Variants in POLA2 observed in about 807,000 individuals in gnomAD.
The protein encoded by POLA2 is DNA polymerase alpha subunit B.
Under a neutral mutation model 82.8 loss-of-function variants are expected in POLA2, and 47 were observed. That is an observed-to-expected ratio of 0.57 (90% CI 0.45 to 0.72). POLA2 has a LOEUF of 0.72. Among genes scored for constraint, POLA2 ranks in the 30% least tolerant of loss-of-function variants. The probability of loss-of-function intolerance (pLI) is 0.00; values close to 1 mark genes in which losing one functional copy is unlikely to be tolerated. For synonymous variants in POLA2, 287 were observed against 286.8 expected (o/e 1.00, Z -0.01); for missense variants, 634 against 728.1 (o/e 0.87, Z 1.49).
At chr11:65,264,494 CCTGGTCTCTTTACT>C (rs1214949153) in intron 1 of POLA2, among the ~76,000 whole-genome samples, 1 of 152,192 alleles carries the variant, frequency 6.6e-6, no homozygotes, top group African/African-American at 2.4e-5. Context: ...GCGCCAGGCC[CCTGGTCTCTTTACT>C]CTGAGTCTTC....
chr11:65,287,656 C>T, intron 10 of POLA2, 60 bp from the exon 11 acceptor site: 1 of 1,468,464 alleles, frequency 6.8e-7, no homozygotes, highest in Non-Finnish European at 9.4e-7. Context: ...ATTGTCCTTT[C>T]TCCTCCCACC....
Position 65,287,848 on chromosome 11 carries a change from G to T in POLA2, c.1131+8G>T. 6.2e-7 allele frequency: 1 copy of T among 1,611,816 alleles called. No individual in the cohort carries two copies. ...CCAGATGTCTGCATCCTGGTAAGAG[G>T]CACCAGTGGGAAAGCTGAGGAGTCA... On this transcript the variant is annotated splice_region_variant and intron_variant, in intron 11 of 17. Transcript: ENST00000265465.
At chr11:65,273,335 C>A (rs139650463) in intron 4 of POLA2, among the ~76,000 whole-genome samples, 25 of 152,134 alleles carry the variant, frequency 1.6e-4, no homozygotes, top group South Asian at 4.1e-4. Flanking sequence ...ACAACAACAA[C>A]AAAAAAACAT....
At chr11:65,302,106 C>G (rs1346404386), downstream of POLA2, among the ~76,000 whole-genome samples, 1 of 152,208 alleles carries the variant, frequency 6.6e-6, no homozygotes, top group Non-Finnish European at 1.5e-5. Flanking sequence ...CTGCCCATAA[C>G]CTTGCTGACC....
chr11:65,284,127 C>CTAGATAGATAGATAGA (rs60541542), intron 10 of POLA2, among the ~76,000 whole-genome samples: 30 of 143,178 alleles, frequency 2.1e-4, no homozygotes, highest in East Asian at 6.3e-4. Context: ...GAGTAAGACA[C>CTAGATAGATAGATAGA]TAGATAGATA....
rs1249911655 is a variant in POLA2 at position 65,262,386 on chromosome 11, C to T, written c.79+15C>T. 6.2e-7 allele frequency: 1 copy of T among 1,602,612 alleles called. No individual in the cohort carries two copies. ...AATTGAGAAATGTGAGTCCCGCACC[C>T]CTCCCGCCCTGCAGCCGTGCTCCAC... On this transcript the variant is annotated intron_variant, in intron 1 of 17. Transcript: ENST00000265465.
intron 1 of POLA2, among the ~76,000 whole-genome samples, chr11:65,264,544 T>C (rs1949437677): frequency 6.6e-6 from 1 of 152,196 alleles, no homozygotes; most frequent in South Asian, 2.1e-4. Flanking sequence ...CACCTTCTCC[T>C]GTAACATCCT....
intron 11 of POLA2, among the ~76,000 whole-genome samples, chr11:65,288,805 C>T (rs1314113506): frequency 6.6e-6 from 1 of 152,182 alleles, no homozygotes. Flanking sequence ...CAGATGTGAG[C>T]CCAGTGTTAT....
chr11:65,264,755 C>T (rs889461042), intron 1 of POLA2, among the ~76,000 whole-genome samples: 3 of 152,216 alleles, frequency 2.0e-5, no homozygotes, highest in African/African-American at 4.8e-5. Flanking sequence ...AGTCCTAAAC[C>T]CCATTCCTTC....
downstream of POLA2, among the ~76,000 whole-genome samples, chr11:65,303,312 A>G (rs1437935150): frequency 6.7e-6 from 1 of 148,920 alleles, no homozygotes; most frequent in Non-Finnish European, 1.5e-5. Flanking sequence ...ACTGCACTCC[A>G]GCCTGGGCAA....
chr11:65,305,432 G>C (rs1216132778), exon 9 of POLA2: 4 of 455,816 alleles, frequency 8.8e-6, no homozygotes, highest in Non-Finnish European at 1.8e-5. Flanking sequence ...TGGTGAGCCT[G>C]AGGAGAAACA....
rs12794623 is a variant in POLA2, at chr11:65,261,966, C to A, written c.-327C>A. On this transcript the variant is annotated 5_prime_UTR_variant, in exon 1 of 18. The change creates a new upstream start codon in the 5' untranslated region. Coordinates refer to ENST00000265465, the MANE Select transcript of POLA2 (RefSeq NM_002689.4). ...GGCGGGTTTTTCCGGCCACTCAGTT[C>A]TGCCACCGTCACTGAGAAGCTCAGC... The A allele has an allele frequency of 0.11, 45,224 of 403,078 alleles. 3,342 individuals are homozygous for A. Among genetic ancestry groups the A allele is most frequent in the African/African-American group, 0.23 (10,770 of 47,702 alleles). 25.0% of individuals were successfully genotyped at this position (403,078 alleles called of 1,614,324 possible). A position where few individuals can be genotyped will look rare whatever the true frequency, so the allele number is the denominator to read the frequency against.
chr11:65,267,689 A>G, intron 3 of POLA2, 121 bp downstream of exon 3: 1 of 571,486 alleles, frequency 1.7e-6, no homozygotes, highest in South Asian at 2.4e-5. Flanking sequence ...TCAGGCCTGT[A>G]ATCCCAGCAC....
chr11:65,269,397 G>T (rs535508692), intron 4 of POLA2, among the ~76,000 whole-genome samples: 3 of 151,656 alleles, frequency 2.0e-5, no homozygotes, highest in Admixed American at 6.6e-5. Context: ...TGAGGCAGGA[G>T]AATGGCGGGA....
intron 10 of POLA2, among the ~76,000 whole-genome samples, chr11:65,285,660 A>C (rs1223538047): frequency 1.3e-5 from 2 of 152,162 alleles, no homozygotes; most frequent in Non-Finnish European, 2.9e-5. Context: ...GGTCAACTTC[A>C]GGTAATGAAA....
At position 65,287,834 on chromosome 11, in the gene POLA2, C is replaced by T. The variant is rs2137565775; in HGVS notation, c.1125C>T (p.Cys375=). The T allele has an allele frequency of 1.2e-6, 2 of 1,613,500 alleles. No individual in the cohort carries two copies. Among genetic ancestry groups the T allele is most frequent in the Non-Finnish European group, 1.7e-6 (2 of 1,179,750 alleles). ...TCAACCATGACCGGCCAGATGTCTG[C>T]ATCCTGGTAAGAGGCACCAGTGGGA... ...AVINHDRPDV[C]ILFGPFLDAK... is the part of the protein sequence containing the mutation. The change falls in exon 11 of 18, where the codon TGC becomes TGT. Residue 375 remains cysteine (C), a synonymous_variant. Coordinates refer to ENST00000265465, the MANE Select transcript of POLA2 (RefSeq NM_002689.4).
chr11:65,296,873 CG>C, intron 17 of POLA2, among the ~76,000 whole-genome samples: 1 of 148,912 alleles, frequency 6.7e-6, no homozygotes, highest in South Asian at 2.1e-4. Context: ...CGCTGGAACC[CG>C]GGAGGTCGAG....
intron 1 of POLA2, among the ~76,000 whole-genome samples, chr11:65,266,151 G>A (rs549078434): frequency 1.3e-5 from 2 of 152,064 alleles, no homozygotes; most frequent in African/African-American, 2.4e-5. Flanking sequence ...TAATAGGGAC[G>A]CCACTCTTCC....
In POLA2 at chr11:65,281,742, A is replaced by C. The variant is rs745824768; in HGVS notation, c.963+10A>C. ...CACCAAACTCTACGAGGTACACAGC[A>C]GTACCCCCACTTGCCTCTTGGTTTG... On this transcript the variant is annotated intron_variant, in intron 9 of 17. Coordinates refer to ENST00000265465, the MANE Select transcript of POLA2 (RefSeq NM_002689.4). 2 of 1,608,492 alleles carry C rather than the reference A, an allele frequency of 1.2e-6. No individual in the cohort carries two copies. The highest frequency in any genetic ancestry group is 1.7e-6 in the Non-Finnish European group (2 of 1,174,830).
Sources: gnomAD v4.1 joint callset for allele counts (sites outside exome capture counted in the v4.1 genomes callset) on GRCh38, gnomAD v4.1.1 for gene constraint, MANE v1.5 for transcripts, NCBI Gene and HGNC (gene_info 2026-07-23, HGNC 2026-07-21) for gene names.